TULP4: variants seen among roughly 807,000 people sequenced by gnomAD.
TULP4 encodes the protein TUB like protein 4, also known as tubby-related protein 4.
A neutral mutation model predicts 129.0 loss-of-function variants in TULP4; 16 were observed. The observed-to-expected ratio is 0.12, with a 90% CI of 0.08 to 0.19. The LOEUF (loss-of-function observed/expected upper bound fraction) is 0.19, where lower values mean the gene tolerates loss of function less well. Ranked by LOEUF, TULP4 falls within the 10% of genes least tolerant of loss-of-function variation. TULP4 has a pLI of 1.00. For synonymous variants in TULP4, 998 were observed against 854.0 expected, an observed-to-expected ratio of 1.17 and a Z score of -2.94; for missense variants, 1,842 against 2,059.1, an observed-to-expected ratio of 0.89 and a Z score of 2.04.
chr6:158,429,464 G>A (rs1403376660), intron 2 of TULP4, among the ~76,000 whole-genome samples: 1 of 152,162 alleles, frequency 6.6e-6, no homozygotes, highest in Non-Finnish European at 1.5e-5. Flanking sequence ...AATTTTTGTA[G>A]AGGTAGTATC....
At chr6:158,285,792 A>C (rs183244039) in intron 1 of TULP4, among the ~76,000 whole-genome samples, 3 of 152,130 alleles carry the variant, frequency 2.0e-5, no homozygotes, top group Non-Finnish European at 4.4e-5. Flanking sequence ...TTCCCTGTCC[A>C]TCTGTTGGCC....
In TULP4 at chr6:158,415,672, T is replaced by TAA. The variant is rs780644785; in HGVS notation, c.381+2494_381+2495dup. Among the ~76,000 whole-genome samples the TAA allele has an allele frequency of 7.7e-4, 108 of 139,812 alleles. 1 individual carries two copies. Among genetic ancestry groups the TAA allele is most frequent in the African/African-American group, 2.7e-3 (100 of 37,286 alleles). The allele number at this position is 139,812 out of a possible 152,430, so 91.7% of individuals were successfully genotyped here. A position where few individuals can be genotyped will look rare whatever the true frequency, so the allele number is the denominator to read the frequency against. On this transcript the variant is annotated intron_variant, in intron 2 of 13. Coordinates refer to ENST00000367097, the MANE Select transcript of TULP4 (RefSeq NM_020245.5). ...ACTGCGCCCGGCCGCTTCTACTTATTAAAAAAAAAAAAAAAAGTTAGCAGT... is the reference window on the plus strand; with the variant it reads ...ACTGCGCCCGGCCGCTTCTACTTATTAAAAAAAAAAAAAAAAAAGTTAGCAGT...
intron 1 of TULP4, among the ~76,000 whole-genome samples, chr6:158,340,414 G>A (rs922679927): frequency 4.0e-5 from 6 of 151,886 alleles, no homozygotes; most frequent in Non-Finnish European, 7.4e-5. Flanking sequence ...CTGCCCTGAC[G>A]CTGCTTGGGC....
chr6:158,354,382 C>T (rs941438788), intron 1 of TULP4, among the ~76,000 whole-genome samples: 1 of 152,144 alleles, frequency 6.6e-6, no homozygotes, highest in Non-Finnish European at 1.5e-5. Context: ...AGCCATGGGG[C>T]ATACATTCTG....
At chr6:158,237,087 G>C (rs958269981) in intron 1 of TULP4, among the ~76,000 whole-genome samples, 1 of 151,882 alleles carries the variant, frequency 6.6e-6, no homozygotes, top group Non-Finnish European at 1.5e-5. Context: ...GGGATTACAG[G>C]TGTGAGCCAC....
Position 158,481,159 on chromosome 6 carries a change from G to A in TULP4, c.1356G>A (p.Glu452=). ...CTMKRTEDDP[E]VGGPCYTLYL... The stretch of plus-strand genomic sequence containing the variant: ...TGAAGCGCACAGAGGACGACCCGGA[G>A]GTGGGCGGCCCGTGCTACACGCTCT... Residue 452 remains glutamate (E), a synonymous_variant, in exon 8 of 14, where the codon GAG becomes GAA. Transcript: ENST00000367097. 6.2e-7 allele frequency: 1 copy of A among 1,614,200 alleles called. No homozygotes were observed. Among genetic ancestry groups the A allele is most frequent in the South Asian group, 1.1e-5 (1 of 91,078 alleles).
At chr6:158,333,607 C>T (rs1291088270) in intron 1 of TULP4, among the ~76,000 whole-genome samples, 1 of 141,128 alleles carries the variant, frequency 7.1e-6, no homozygotes, top group Non-Finnish European at 1.5e-5. Context: ...CAGTTGGCCT[C>T]TGTGTGAGTC....
rs116101760 is a variant in TULP4 at position 158,450,152 on chromosome 6, G to A, written c.724+976G>A. Among the ~76,000 whole-genome samples the A allele has an allele frequency of 1.6e-3, 241 of 152,262 alleles. 1 individual carries two copies. The highest frequency in any genetic ancestry group is 5.4e-3 in the African/African-American group (223 of 41,560). On this transcript the variant is annotated intron_variant, in intron 4 of 13. Coordinates refer to ENST00000367097, the MANE Select transcript of TULP4 (RefSeq NM_020245.5). ...CCTAGCTGTAACCATCTCGTTTTGGGGAATGGGACTGGCTTCTTGATTAGA... is the reference window on the plus strand; with the variant it reads ...CCTAGCTGTAACCATCTCGTTTTGGAGAATGGGACTGGCTTCTTGATTAGA...
chr6:158,331,969 C>T (rs955745020), intron 1 of TULP4, among the ~76,000 whole-genome samples: 4 of 147,816 alleles, frequency 2.7e-5, no homozygotes, highest in Non-Finnish European at 6.0e-5. Context: ...GTCAGGAATT[C>T]GACACCAGCC....
intron 1 of TULP4, among the ~76,000 whole-genome samples, chr6:158,338,429 T>C (rs6916144): frequency 0.86 from 131,063 of 152,200 alleles, 56,864 homozygotes; most frequent in South Asian, 0.93. Flanking sequence ...AATTAAACCT[T>C]ATTTTGGACA....
intron 6 of TULP4, among the ~76,000 whole-genome samples, chr6:158,475,365 AC>A (rs1372409730): frequency 1.3e-5 from 2 of 152,238 alleles, no homozygotes; most frequent in Non-Finnish European, 2.9e-5. Context: ...AGTTTCTTGC[AC>A]TTTTGCCTCA....
intron 1 of TULP4, among the ~76,000 whole-genome samples, chr6:158,301,746 T>C (rs1317981616): frequency 6.6e-6 from 1 of 152,202 alleles, no homozygotes; most frequent in Admixed American, 6.5e-5. Flanking sequence ...CTGGGCAGTT[T>C]GGATTCTTTA....
chr6:158,350,863 C>A (rs965239994), intron 1 of TULP4, among the ~76,000 whole-genome samples: 1 of 151,906 alleles, frequency 6.6e-6, no homozygotes, highest in East Asian at 1.9e-4. Flanking sequence ...CGGTTTCCAG[C>A]GATTCTCTTG....
chr6:158,276,204 G>T (rs1224860396), intron 1 of TULP4, among the ~76,000 whole-genome samples: 1 of 151,914 alleles, frequency 6.6e-6, no homozygotes, highest in Non-Finnish European at 1.5e-5. Context: ...TCCTGACCTC[G>T]AATGATCTGC....
At chr6:158,261,644 A>G (rs570121856) in intron 1 of TULP4, among the ~76,000 whole-genome samples, 5 of 152,336 alleles carry the variant, frequency 3.3e-5, no homozygotes, top group African/African-American at 1.2e-4. Flanking sequence ...TTTAACGTGC[A>G]GGGTTCAGCT....
intron 1 of TULP4, among the ~76,000 whole-genome samples, chr6:158,377,139 A>C (rs540088881): frequency 1.1e-4 from 17 of 152,334 alleles, no homozygotes; most frequent in Non-Finnish European, 2.1e-4. Flanking sequence ...GTGGGAAGCC[A>C]TTGAGATTTC....
At chr6:158,303,024 T>C (rs1382661414) in intron 1 of TULP4, among the ~76,000 whole-genome samples, 2 of 149,032 alleles carry the variant, frequency 1.3e-5, no homozygotes, top group African/African-American at 5.0e-5. Context: ...GAGGAAATAA[T>C]AGAAACATCA....
intron 9 of TULP4, among the ~76,000 whole-genome samples, chr6:158,492,128 G>T (rs532593447): frequency 4.5e-4 from 68 of 152,312 alleles, no homozygotes; most frequent in African/African-American, 1.6e-3. Context: ...TAAGTGCTGG[G>T]CTTACAGGTG....
At chr6:158,273,866 A>T (rs1778592878) in intron 1 of TULP4, among the ~76,000 whole-genome samples, 1 of 152,240 alleles carries the variant, frequency 6.6e-6, no homozygotes, top group African/African-American at 2.4e-5. Flanking sequence ...AATTCTTATC[A>T]TAGATTCATG....
Sources: gnomAD v4.1 joint callset for allele counts (sites outside exome capture counted in the v4.1 genomes callset) on GRCh38, gnomAD v4.1.1 for gene constraint, MANE v1.5 for transcripts, NCBI Gene and HGNC (gene_info 2026-07-23, HGNC 2026-07-21) for gene names.